Variants in ARMC5 observed in about 807,000 individuals in gnomAD.
ARMC5 encodes armadillo repeat containing 5.
A neutral mutation model predicts 60.5 loss-of-function variants in ARMC5; 28 were observed. The observed-to-expected ratio is 0.46, with a 90% CI of 0.34 to 0.63. ARMC5 has a LOEUF of 0.63. ARMC5 is among the 30% of genes least tolerant of loss of function. ARMC5 has a pLI of 0.01. For synonymous variants in ARMC5, 680 were observed against 607.3 expected, an observed-to-expected ratio of 1.12 and a Z score of -1.76; for missense variants, 1,189 against 1,304.9, an observed-to-expected ratio of 0.91 and a Z score of 1.37.
chr16:31,465,768 T>A, intron 4 of ARMC5, 82 bp from the exon 5 acceptor site: 1 of 1,582,412 alleles, frequency 6.3e-7, no homozygotes, highest in Non-Finnish European at 8.5e-7. Flanking sequence ...CCCTCCTTCA[T>A]CTCACGGGCC....
At position 31,462,242 on chromosome 16, in the gene ARMC5, C is replaced by G; in HGVS notation, c.695C>G (p.Ala232Gly). 2 of 1,610,214 alleles carry G rather than the reference C, an allele frequency of 1.2e-6. No individual in the cohort carries two copies. The highest frequency in any genetic ancestry group is 1.7e-6 in the Non-Finnish European group (2 of 1,180,016). Residue 232 changes from alanine to glycine, a missense_variant, in exon 3 of 6, where the codon GCC (alanine) becomes GGC (glycine). Physicochemically the swap from Ala to Gly is moderately conservative, Grantham distance 60. Transcript: ENST00000268314. This position sits in a 1 kb window ranked among gnomAD's most constrained non-coding sequence, Gnocchi z 7.2. ...GCAGACTCACCCCAGCACCGCCTGG[C>G]CTTGGCACAGCAGGGAGCAGTGCGT... ...NLADSPQHRL[A>G]LAQQGAVRPL... is the part of the protein sequence containing the mutation.
At chr16:31,461,392 T>A (rs1486131390) in intron 1 of ARMC5, among the ~76,000 whole-genome samples, 3 of 152,220 alleles carry the variant, frequency 2.0e-5, no homozygotes, top group African/African-American at 7.2e-5. Flanking sequence ...ATCTTACCTC[T>A]GGGCCTTTGG....
Position 31,464,938 on chromosome 16 carries a change from TC to T in ARMC5, c.1864+56del, listed in dbSNP as rs1567377765. 7 of 1,608,150 alleles carry T rather than the reference TC, an allele frequency of 4.4e-6. No individual in the cohort carries two copies. The highest frequency in any genetic ancestry group is 5.1e-6 in the Non-Finnish European group (6 of 1,178,020). On this transcript the variant is annotated intron_variant, in intron 4 of 5. Coordinates refer to ENST00000268314, the MANE Select transcript of ARMC5 (RefSeq NM_001105247.2). The surrounding 1 kb of genome is among the most constrained non-coding windows in gnomAD (Gnocchi z 7.6). ...CTTGCCCCCATGTGAGTCCCCATCC[TC>T]CCCCATGGCTTCCATGGGCCCAGAA...
chr16:31,466,687 T>C lies in ARMC5; in HGVS notation c.2606T>C (p.Val869Ala), dbSNP rs2082363673. The C allele has an allele frequency of 1.9e-6, 3 of 1,570,116 alleles. No individual in the cohort carries two copies. Among genetic ancestry groups the C allele is most frequent in the East Asian group, 2.3e-5 (1 of 43,078 alleles). Reference sequence around the variant, plus strand: ...GGACCCCAGGGTGGCCCGGAGTCAGTGGGTGAGGTGTTCCGCCTGGGCCGG... The same window carrying C: ...GGACCCCAGGGTGGCCCGGAGTCAGCGGGTGAGGTGTTCCGCCTGGGCCGG... ...HLGPQGGPES[V>A]GEVFRLGRPR... is the part of the protein sequence containing the mutation. The change falls in exon 6 of 6, where the codon GTG becomes GCG. Residue 869 changes from valine (V) to alanine (A), a missense_variant. By Grantham distance (64) the Val-to-Ala change is moderately conservative. This residue lies in a region of ARMC5 where 862 missense variants were observed against 1,071.2 expected (regional missense o/e 0.80). Coordinates refer to ENST00000268314, the MANE Select transcript of ARMC5 (RefSeq NM_001105247.2). This position sits in a 1 kb window ranked among gnomAD's most constrained non-coding sequence, Gnocchi z 8.0.
upstream of ARMC5, chr16:31,459,188 G>A (rs2082274530): frequency 7.2e-6 from 11 of 1,521,462 alleles, no homozygotes; most frequent in Non-Finnish European, 9.7e-6. Context: ...CGAAGGCTCC[G>A]TGGTCGGACT....
In ARMC5 at chr16:31,464,350, C is replaced by T. The variant is rs200863477; in HGVS notation, c.1371-44C>T. The T allele has an allele frequency of 2.4e-5, 34 of 1,393,114 alleles. No homozygotes were observed. The African/African-American group carries it at 5.0e-4, about 20-fold the overall frequency. The allele number at this position is 1,393,114 out of a possible 1,614,324, so 86.3% of individuals were successfully genotyped here. A position where few individuals can be genotyped will look rare whatever the true frequency, so the allele number is the denominator to read the frequency against. On this transcript the variant is annotated intron_variant, in intron 3 of 5. Transcript: ENST00000268314. This position sits in a 1 kb window ranked among gnomAD's most constrained non-coding sequence, Gnocchi z 7.6. ...ACGCCTCTTGGACTCTGCCCCTTAACCTTGGCTCTGGGTTCAGTCTCCTTC... is the reference window on the plus strand; with the variant it reads ...ACGCCTCTTGGACTCTGCCCCTTAATCTTGGCTCTGGGTTCAGTCTCCTTC...
In ARMC5 at chr16:31,465,834, A is replaced by G. The variant is rs1451980055; in HGVS notation, c.1865-16A>G. On this transcript the variant is annotated splice_polypyrimidine_tract_variant and intron_variant, in intron 4 of 5. Coordinates refer to ENST00000268314, the MANE Select transcript of ARMC5 (RefSeq NM_001105247.2). ...TTAGACCCCAGTTCCCAGCCTGACA[A>G]GCTTTCCACTCACAGGGGAGAGGCT... 1.9e-6 allele frequency: 3 copies of G among 1,607,716 alleles called. No homozygotes were observed. The highest frequency in any genetic ancestry group is 1.7e-6 in the Non-Finnish European group (2 of 1,179,812).
At chr16:31,459,444 C>T, upstream of ARMC5, 3 of 1,545,050 alleles carry the variant, frequency 1.9e-6, no homozygotes, top group Non-Finnish European at 2.6e-6. Context: ...CGAGGCGGTG[C>T]CCGACGATTT....
intron 4 of ARMC5, chr16:31,465,407 A>T: frequency 8.5e-7 from 1 of 1,181,048 alleles, no homozygotes; most frequent in Non-Finnish European, 1.1e-6. Flanking sequence ...ATGTCCCCTC[A>T]GCTCCTATCT....
Position 31,466,685 on chromosome 16 carries a change from A to G in ARMC5, c.2604A>G (p.Ser868=). ...TGGGACCCCAGGGTGGCCCGGAGTC[A>G]GTGGGTGAGGTGTTCCGCCTGGGCC... ...IHLGPQGGPE[S]VGEVFRLGRP... is the part of the protein sequence containing the mutation. Residue 868 remains serine, a synonymous_variant, in exon 6 of 6, where the codon TCA becomes TCG. Transcript: ENST00000268314. The surrounding 1 kb of genome is among the most constrained non-coding windows in gnomAD (Gnocchi z 8.0). 1.3e-6 allele frequency: 2 copies of G among 1,573,072 alleles called. No homozygotes were observed. Among genetic ancestry groups the G allele is most frequent in the Non-Finnish European group, 1.7e-6 (2 of 1,159,762 alleles).
chr16:31,467,069 C>G lies in ARMC5; in HGVS notation c.*180C>G, dbSNP rs2082367996. Reference sequence around the variant, plus strand: ...GGGAGCGAGAAGCCAAGGCCAGGTTCTGGGTGTAGGGCCCAGAGAAGCAGA... The same window carrying G: ...GGGAGCGAGAAGCCAAGGCCAGGTTGTGGGTGTAGGGCCCAGAGAAGCAGA... On this transcript the variant is annotated 3_prime_UTR_variant, in exon 6 of 6. Coordinates refer to ENST00000268314, the MANE Select transcript of ARMC5 (RefSeq NM_001105247.2). 1 of 807,130 alleles carries G rather than the reference C, an allele frequency of 1.2e-6. No homozygotes were observed. Among genetic ancestry groups the G allele is most frequent in the Non-Finnish European group, 1.8e-6 (1 of 560,418 alleles). 50.0% of individuals were successfully genotyped at this position (807,130 alleles called of 1,614,324 possible). A position where few individuals can be genotyped will look rare whatever the true frequency, so the allele number is the denominator to read the frequency against.
At chr16:31,465,769 C>T in intron 4 of ARMC5, 81 bp from the exon 5 acceptor site, 1 of 1,582,818 alleles carries the variant, frequency 6.3e-7, no homozygotes, top group Middle Eastern at 1.7e-4. Context: ...CCTCCTTCAT[C>T]TCACGGGCCC....
Position 31,464,531 on chromosome 16 carries a change from C to G in ARMC5, c.1508C>G (p.Thr503Ser), listed in dbSNP as rs748493259. 3.6e-5 allele frequency: 58 copies of G among 1,598,922 alleles called. No individual in the cohort carries two copies. The Admixed American group carries it at 4.1e-4, about 11-fold the overall frequency. ...CCGACCTCGCTGCGGGCACCACGCA[C>G]CCAACGCACTCCGGGCCGCAGCCCC... ...PTPTSLRAPR[T>S]QRTPGRSPAA... Residue 503 changes from threonine to serine, a missense_variant, in exon 4 of 6, where the codon ACC becomes AGC. Physicochemically the swap from Thr to Ser is moderately conservative, Grantham distance 58 (BLOSUM62 1). Around this residue, in one of 2 missense-constraint regions of ARMC5, gnomAD observed 862 missense variants for 1,071.2 expected, o/e 0.80. Transcript: ENST00000268314. This position sits in a 1 kb window ranked among gnomAD's most constrained non-coding sequence, Gnocchi z 7.6.
upstream of ARMC5, chr16:31,459,197 C>T (rs546511066): frequency 7.3e-5 from 111 of 1,530,648 alleles, 1 homozygote; most frequent in East Asian, 2.4e-3. Flanking sequence ...CGTGGTCGGA[C>T]TTCTGGGCTG....
Position 31,462,038 on chromosome 16 carries a change from C to T in ARMC5, c.583+9C>T, listed in dbSNP as rs1338591023. 1.2e-6 allele frequency: 2 copies of T among 1,613,942 alleles called. No individual in the cohort carries two copies. The highest frequency in any genetic ancestry group is 1.7e-6 in the Non-Finnish European group (2 of 1,179,828). On this transcript the variant is annotated intron_variant, in intron 2 of 5. Coordinates refer to ENST00000268314, the MANE Select transcript of ARMC5 (RefSeq NM_001105247.2). This position sits in a 1 kb window ranked among gnomAD's most constrained non-coding sequence, Gnocchi z 7.2. ...GGACATCCACTGTGCTGGTAAGAGG[C>T]TGTGAGGTTGGGGTCTGCTAGGGCT...
intron 1 of ARMC5, 35 bp from the exon 2 acceptor site, chr16:31,461,887 G>A (rs2082306466): frequency 1.3e-6 from 2 of 1,577,268 alleles, no homozygotes; most frequent in Non-Finnish European, 1.7e-6. Context: ...GACAGTAAGG[G>A]GTAGAACCCT....
Position 31,467,099 on chromosome 16 carries a change from C to A in ARMC5, c.*210C>A. The A allele has an allele frequency of 1.8e-6, 1 of 545,816 alleles. No homozygotes were observed. The highest frequency in any genetic ancestry group is 3.0e-6 in the Non-Finnish European group (1 of 338,104). The allele number at this position is 545,816 out of a possible 1,614,324, so 33.8% of individuals were successfully genotyped here. A position where few individuals can be genotyped will look rare whatever the true frequency, so the allele number is the denominator to read the frequency against. Reference sequence around the variant, plus strand: ...TGTAGGGCCCAGAGAAGCAGAACAGCCCAGAGCCCCAGGTGCCTGGCCTGG... The same window carrying A: ...TGTAGGGCCCAGAGAAGCAGAACAGACCAGAGCCCCAGGTGCCTGGCCTGG... On this transcript the variant is annotated 3_prime_UTR_variant, in exon 6 of 6. Coordinates refer to ENST00000268314, the MANE Select transcript of ARMC5 (RefSeq NM_001105247.2).
At chr16:31,458,720 A>C, upstream of ARMC5, 4 of 1,455,584 alleles carry the variant, frequency 2.7e-6, no homozygotes, top group Non-Finnish European at 3.6e-6. Flanking sequence ...GCCACCTCGC[A>C]ATCCAGGGGT....
At chr16:31,459,493 G>C, upstream of ARMC5, 1 of 1,583,636 alleles carries the variant, frequency 6.3e-7, no homozygotes, top group South Asian at 1.1e-5. Flanking sequence ...TCAGCGGCGA[G>C]AAGCGGGGCG....
Sources: gnomAD v4.1 joint callset for allele counts (sites outside exome capture counted in the v4.1 genomes callset) on GRCh38, gnomAD v4.1.1 for gene constraint, gnomAD v4.1.1 regional missense constraint, Gnocchi (gnomAD v3.1) non-coding constraint, MANE v1.5 for transcripts, NCBI Gene and HGNC (gene_info 2026-07-23, HGNC 2026-07-21) for gene names.